The following PALLD variants were observed in gnomAD, a reference collection of about 807,000 sequenced individuals.
The protein encoded by PALLD is palladin, cytoskeletal associated protein.
In PALLD, 61 loss-of-function variants were observed where a neutral mutation model predicts 123.5. That is an observed-to-expected ratio of 0.49 (90% CI 0.40 to 0.61). The LOEUF is 0.61. Ranked by LOEUF, PALLD falls within the 20% of genes least tolerant of loss-of-function variation. PALLD has a pLI of 0.00. For missense variants in PALLD, 1,273 were observed against 1,377.0 expected, an observed-to-expected ratio of 0.92 and a Z score of 1.20; for synonymous variants, 465 against 496.4, an observed-to-expected ratio of 0.94 and a Z score of 0.84.
chr4:168,667,466 C>G (rs1779764010), intron 2 of PALLD, among the ~76,000 whole-genome samples: 1 of 152,078 alleles, frequency 6.6e-6, no homozygotes, highest in African/African-American at 2.4e-5. Flanking sequence ...CCAAATGCTA[C>G]TGAGAATTTG....
intron 2 of PALLD, among the ~76,000 whole-genome samples, chr4:168,622,799 G>A (rs936686808): frequency 1.3e-5 from 2 of 152,230 alleles, no homozygotes; most frequent in African/African-American, 4.8e-5. Flanking sequence ...ACTCTGAGAT[G>A]TCCTTTGAAG....
chr4:168,645,218 A>G (rs1777329421), intron 2 of PALLD, among the ~76,000 whole-genome samples: 1 of 152,166 alleles, frequency 6.6e-6, no homozygotes, highest in Non-Finnish European at 1.5e-5. Context: ...CCGTAAAATG[A>G]AGGCAATAGT....
At chr4:168,808,421 A>G (rs1282561895) in intron 10 of PALLD, among the ~76,000 whole-genome samples, 2 of 152,146 alleles carry the variant, frequency 1.3e-5, no homozygotes, top group Admixed American at 1.3e-4. Context: ...CAGAGGTTGC[A>G]GTGAGCCGAG....
At chr4:168,565,128 G>A (rs1246472714) in intron 2 of PALLD, among the ~76,000 whole-genome samples, 4 of 152,022 alleles carry the variant, frequency 2.6e-5, no homozygotes, top group East Asian at 1.9e-4. Flanking sequence ...GGAGGTCAAG[G>A]CAGCAGTGAT....
chr4:168,779,034 T>C (rs1398393386), intron 10 of PALLD, among the ~76,000 whole-genome samples: 3 of 152,246 alleles, frequency 2.0e-5, no homozygotes, highest in Non-Finnish European at 4.4e-5. Flanking sequence ...GTTATGATGC[T>C]TATGAAATCG....
intron 10 of PALLD, among the ~76,000 whole-genome samples, chr4:168,863,555 A>C (rs1560814772): frequency 6.6e-6 from 1 of 152,104 alleles, no homozygotes; most frequent in South Asian, 2.1e-4. Flanking sequence ...TGCAGGGCCC[A>C]CTCTGTCAGT....
chr4:168,564,541 A>T (rs1768178186), intron 2 of PALLD, among the ~76,000 whole-genome samples: 1 of 152,330 alleles, frequency 6.6e-6, no homozygotes, highest in African/African-American at 2.4e-5. Context: ...GGATAGACTA[A>T]ACAAGATGTT....
chr4:168,664,108 C>T (rs908081050), intron 2 of PALLD, among the ~76,000 whole-genome samples: 7 of 152,294 alleles, frequency 4.6e-5, no homozygotes, highest in African/African-American at 9.6e-5. Context: ...ATTTGTTTAA[C>T]GTTGTCTCAA....
chr4:168,607,961 G>T (rs779000592), intron 2 of PALLD, among the ~76,000 whole-genome samples: 3 of 152,180 alleles, frequency 2.0e-5, no homozygotes, highest in Non-Finnish European at 4.4e-5. Flanking sequence ...ATCTTACTCT[G>T]TTCCTGCAGT....
chr4:168,876,091 G>A (rs954739455), intron 10 of PALLD, among the ~76,000 whole-genome samples: 2 of 152,202 alleles, frequency 1.3e-5, no homozygotes, highest in African/African-American at 2.4e-5. Context: ...CAGATGCAGA[G>A]GTCAGCTGAA....
At chr4:168,593,666 C>T (rs1353117771) in intron 2 of PALLD, among the ~76,000 whole-genome samples, 1 of 152,090 alleles carries the variant, frequency 6.6e-6, no homozygotes, top group East Asian at 1.9e-4. Flanking sequence ...TCCACTCCAA[C>T]AAATACAGGA....
intron 10 of PALLD, among the ~76,000 whole-genome samples, chr4:168,810,330 G>A (rs1740887132): frequency 6.6e-6 from 1 of 152,146 alleles, no homozygotes; most frequent in Non-Finnish European, 1.5e-5. Flanking sequence ...TTTGTAAGGA[G>A]CCCATTGACA....
At chr4:168,639,229 T>C (rs1470237958) in intron 2 of PALLD, among the ~76,000 whole-genome samples, 2 of 152,238 alleles carry the variant, frequency 1.3e-5, no homozygotes, top group African/African-American at 4.8e-5. Context: ...AAGTCATTGC[T>C]CAGTTGCCTT....
At chr4:168,647,925 A>AT (rs1016005683) in intron 2 of PALLD, 10 of 152,180 alleles carry the variant, frequency 6.6e-5, no homozygotes, top group East Asian at 1.9e-4. Context: ...TTTATTTAAC[A>AT]TTTTTTTAAA....
chr4:168,655,346 C>T (rs1439588238), intron 2 of PALLD, among the ~76,000 whole-genome samples: 1 of 152,198 alleles, frequency 6.6e-6, no homozygotes, highest in Non-Finnish European at 1.5e-5. Context: ...ACTGACGGGG[C>T]AGTTTACAGT....
In PALLD at chr4:168,658,284, G is replaced by GTTTTTTTT. The variant is rs755942969; in HGVS notation, c.909-9906_909-9905insTTTTTTTT. On this transcript the variant is annotated intron_variant, in intron 2 of 21. Transcript: ENST00000505667. ...TTTTGTTGGTGGTGGGTTTTTATTT[G>GTTTTTTTT]GTTTTTTTTTTTTTTTTTGTGATGA... Among the ~76,000 whole-genome samples, 175 of 120,680 alleles carry GTTTTTTTT rather than the reference G, an allele frequency of 1.5e-3. 6 individuals carry two copies. The highest frequency in any genetic ancestry group is 1.5e-3 in the Non-Finnish European group (92 of 59,394). The allele number at this position is 120,680 out of a possible 152,430, so 79.2% of individuals were successfully genotyped here. A position where few individuals can be genotyped will look rare whatever the true frequency, so the allele number is the denominator to read the frequency against.
At chr4:168,576,382 C>T (rs937068320) in intron 2 of PALLD, among the ~76,000 whole-genome samples, 1 of 152,048 alleles carries the variant, frequency 6.6e-6, no homozygotes, top group African/African-American at 2.4e-5. Flanking sequence ...CTATCCGTCC[C>T]CCCTCCCCCA....
chr4:168,913,499 AATC>A (rs1467684577), intron 15 of PALLD, among the ~76,000 whole-genome samples: 2 of 152,134 alleles, frequency 1.3e-5, no homozygotes, highest in Admixed American at 1.3e-4. Context: ...AGAAAACTGA[AATC>A]ATCTAGGTTT....
intron 1 of PALLD, among the ~76,000 whole-genome samples, chr4:168,506,620 CAT>C (rs1762031769): frequency 6.6e-6 from 1 of 152,170 alleles, no homozygotes; most frequent in Non-Finnish European, 1.5e-5. Flanking sequence ...TTGTATAAAA[CAT>C]GTTACAGCGC....
Sources: allele counts gnomAD v4.1 joint callset (sites outside exome capture counted in the v4.1 genomes callset), GRCh38; gene constraint gnomAD v4.1.1; transcripts MANE v1.5; gene names NCBI Gene and HGNC (gene_info 2026-07-23, HGNC 2026-07-21).